CLDN16: variants seen among roughly 807,000 people sequenced by gnomAD.
CLDN16 encodes claudin 16.
A neutral mutation model predicts 24.6 loss-of-function variants in CLDN16; 13 were observed. The ratio of observed to expected loss-of-function variants is 0.53; its 90% CI spans 0.34 to 0.84. The LOEUF is 0.84. Ranked by LOEUF, CLDN16 falls within the 40% of genes least tolerant of loss-of-function variation. The pLI is 0.01. For missense variants in CLDN16, 298 were observed against 292.7 expected, an observed-to-expected ratio of 1.02 and a Z score of -0.13; for synonymous variants, 116 against 106.7, an observed-to-expected ratio of 1.09 and a Z score of -0.54.
In CLDN16 at chr3:190,388,358, G is replaced by T. The variant is rs778198632; in HGVS notation, c.29G>T (p.Cys10Phe). The T allele has an allele frequency of 6.2e-7, 1 of 1,614,084 alleles. No individual in the cohort carries two copies. The highest frequency in any genetic ancestry group is 8.5e-7 in the Non-Finnish European group (1 of 1,179,994). The stretch of plus-strand genomic sequence containing the variant: ...AGGGATCTTCTTCAATACATCGCTT[G>T]CTTCTTTGCCTTTTTCTCTGCTGGG... MRDLLQYIACFFAFFSAGFL... is the reference protein window; with the variant it reads MRDLLQYIAFFFAFFSAGFL... The change falls in exon 1 of 5, where the codon TGC becomes TTC. Residue 10 changes from cysteine to phenylalanine, a missense_variant. Coordinates refer to ENST00000264734, the MANE Select transcript of CLDN16 (RefSeq NM_006580.4).
intron 1 of CLDN16, among the ~76,000 whole-genome samples, chr3:190,326,012 A>G (rs908262688): frequency 4.6e-5 from 7 of 152,264 alleles, no homozygotes; most frequent in Middle Eastern, 3.4e-3. Context: ...GGAGTCTTTG[A>G]GAGGGTAGTG....
intron 3 of CLDN16, among the ~76,000 whole-genome samples, chr3:190,379,020 C>A (rs1718301151): frequency 6.6e-6 from 1 of 151,942 alleles, no homozygotes; most frequent in Admixed American, 6.6e-5. Flanking sequence ...TCCATTAATT[C>A]TTCAAAAACT....
chr3:190,383,292 C>T (rs145368979), upstream of CLDN16, among the ~76,000 whole-genome samples: 3 of 152,102 alleles, frequency 2.0e-5, no homozygotes, highest in Admixed American at 6.6e-5. Flanking sequence ...GGGGCAGACA[C>T]TGGGAGTTCT....
intron 1 of CLDN16, among the ~76,000 whole-genome samples, chr3:190,399,917 T>C (rs1033716158): frequency 3.9e-5 from 6 of 152,010 alleles, no homozygotes; most frequent in Non-Finnish European, 7.4e-5. Flanking sequence ...CTCATAGGAG[T>C]GCAAACCCTG....
intron 1 of CLDN16, among the ~76,000 whole-genome samples, chr3:190,348,101 A>T (rs1490456608): frequency 6.6e-6 from 1 of 150,424 alleles, no homozygotes; most frequent in East Asian, 2.0e-4. Context: ...AAAAAAAAAA[A>T]AAAAATTAGC....
intron 1 of CLDN16, among the ~76,000 whole-genome samples, chr3:190,401,026 A>C (rs767401608): frequency 3.3e-5 from 5 of 152,236 alleles, no homozygotes; most frequent in Non-Finnish European, 5.9e-5. Flanking sequence ...CTTAAGAAAT[A>C]AGAAAAATAA....
chr3:190,310,878 G>A, the CLDN16 span, among the ~76,000 whole-genome samples: 8 of 152,036 alleles, frequency 5.3e-5, no homozygotes, highest in African/African-American at 1.9e-4. Context: ...ATTTCCCATG[G>A]CATTTTATAT....
the CLDN16 span, among the ~76,000 whole-genome samples, chr3:190,291,850 A>T: frequency 1.3e-5 from 2 of 152,296 alleles, no homozygotes; most frequent in Non-Finnish European, 2.9e-5. Flanking sequence ...CCAAAATCCA[A>T]TAGGGCAGTT....
In CLDN16 at chr3:190,358,092, C is replaced by T. The variant is rs552529995; in HGVS notation, n.122-12801C>T. Among the ~76,000 whole-genome samples, 22 of 151,230 alleles carry T rather than the reference C, an allele frequency of 1.5e-4. No individual in the cohort carries two copies. The South Asian group carries it at 2.5e-3, about 17-fold the overall frequency. On this transcript the variant is annotated intron_variant and non_coding_transcript_variant, in intron 1 of 4. Transcript: ENST00000468220. ...ACGTATTGGTGGATAAGCAGTATTA[C>T]GAAAAAAAAGAAAAGAATCTGGATC...
chr3:190,393,196 T>A (rs1246623181), intron 1 of CLDN16, among the ~76,000 whole-genome samples: 1 of 152,210 alleles, frequency 6.6e-6, no homozygotes, highest in Non-Finnish European at 1.5e-5. Flanking sequence ...GTGGTGATGT[T>A]ACTCACCAAG....
At chr3:190,333,963 G>A (rs1271001162) in intron 1 of CLDN16, among the ~76,000 whole-genome samples, 2 of 152,142 alleles carry the variant, frequency 1.3e-5, no homozygotes, top group East Asian at 3.9e-4. Context: ...TGGAATCAGG[G>A]TAGAGTGGCA....
intron 1 of CLDN16, among the ~76,000 whole-genome samples, chr3:190,361,292 G>A (rs1464606842): frequency 6.6e-6 from 1 of 151,974 alleles, no homozygotes; most frequent in East Asian, 1.9e-4. Flanking sequence ...CTTAGTGAAA[G>A]TGCCTTTGCA....
At chr3:190,313,875 T>C in the CLDN16 span, among the ~76,000 whole-genome samples, 323 of 152,298 alleles carry the variant, frequency 2.1e-3, no homozygotes, top group Middle Eastern at 0.027. Context: ...ACTATGTTTC[T>C]TAAAGAGTAA....
At chr3:190,398,136 G>T (rs571949920) in intron 1 of CLDN16, among the ~76,000 whole-genome samples, 1 of 152,286 alleles carries the variant, frequency 6.6e-6, no homozygotes, top group Non-Finnish European at 1.5e-5. Flanking sequence ...ACACTACAGG[G>T]CAGTCAGCTT....
In CLDN16 at chr3:190,389,414, G is replaced by A. The variant is rs188755430; in HGVS notation, c.114+971G>A. On this transcript the variant is annotated intron_variant, in intron 1 of 4. Coordinates refer to ENST00000264734, the MANE Select transcript of CLDN16 (RefSeq NM_006580.4). ...TCTATAAAGTTTAAGAAAGATACTC[G>A]ACTGAGTTTATATATTTTTCTTCTA... Among the ~76,000 whole-genome samples, 387 of 152,230 alleles carry A rather than the reference G, an allele frequency of 2.5e-3. 3 individuals are homozygous for A. Among genetic ancestry groups the A allele is most frequent in the African/African-American group, 8.4e-3 (347 of 41,532 alleles).
At chr3:190,348,569 C>T (rs1053857665) in intron 1 of CLDN16, among the ~76,000 whole-genome samples, 1 of 152,164 alleles carries the variant, frequency 6.6e-6, no homozygotes, top group African/African-American at 2.4e-5. Flanking sequence ...AAACAATATG[C>T]TTTCATGTCT....
chr3:190,393,500 G>A (rs1226378765), intron 1 of CLDN16, among the ~76,000 whole-genome samples: 1 of 152,106 alleles, frequency 6.6e-6, no homozygotes, highest in African/African-American at 2.4e-5. Context: ...AGTTTCTTGT[G>A]AGAATTAAAT....
At chr3:190,313,153 T>A in the CLDN16 span, 17 of 1,166,660 alleles carry the variant, frequency 1.5e-5, no homozygotes, top group Non-Finnish European at 2.0e-5. Flanking sequence ...ACTAGGAATC[T>A]AGAGACCCCA....
chr3:190,332,520 A>G (rs1367497930), intron 1 of CLDN16, among the ~76,000 whole-genome samples: 1 of 152,206 alleles, frequency 6.6e-6, no homozygotes, highest in East Asian at 1.9e-4. Flanking sequence ...TGGCATAGCC[A>G]CTTACTCACC....
Sources: gnomAD v4.1 joint callset for allele counts (sites outside exome capture counted in the v4.1 genomes callset) on GRCh38, gnomAD v4.1.1 for gene constraint, MANE v1.5 for transcripts, NCBI Gene and HGNC (gene_info 2026-07-23, HGNC 2026-07-21) for gene names.